The following KCND2 variants were observed in gnomAD, a reference collection of about 807,000 sequenced individuals.
KCND2 encodes A-type voltage-gated potassium channel KCND2.
In KCND2, 16 loss-of-function variants were observed where a neutral mutation model predicts 54.4. The observed-to-expected ratio is 0.29, with a 90% CI of 0.20 to 0.45. KCND2 has a LOEUF of 0.45. Ranked by LOEUF, KCND2 falls within the 20% of genes least tolerant of loss-of-function variation. The pLI is 1.00. For missense variants in KCND2, 486 were observed against 824.2 expected (o/e 0.59, Z 5.02); for synonymous variants, 317 against 310.7 (o/e 1.02, Z -0.21).
At chr7:120,489,670 A>G (rs1802748055) in intron 1 of KCND2, among the ~76,000 whole-genome samples, 1 of 152,138 alleles carries the variant, frequency 6.6e-6, no homozygotes, top group Non-Finnish European at 1.5e-5. Flanking sequence ...TCACTCACTC[A>G]CGTCCTATCA....
intron 1 of KCND2, among the ~76,000 whole-genome samples, chr7:120,311,595 AG>A (rs1799737225): frequency 6.6e-6 from 1 of 152,170 alleles, no homozygotes; most frequent in South Asian, 2.1e-4. Flanking sequence ...TTTTAAGTTC[AG>A]GGGTACGTGT....
At chr7:120,378,588 T>C (rs1248673008) in intron 1 of KCND2, among the ~76,000 whole-genome samples, 1 of 151,972 alleles carries the variant, frequency 6.6e-6, no homozygotes, top group Non-Finnish European at 1.5e-5. Flanking sequence ...GCATAAGATA[T>C]TTGAGATAAT....
At chr7:120,535,695 T>C (rs926286129) in intron 1 of KCND2, among the ~76,000 whole-genome samples, 1 of 152,172 alleles carries the variant, frequency 6.6e-6, no homozygotes, top group African/African-American at 2.4e-5. Context: ...CTAGTTCTTA[T>C]CATTTCAGAC....
chr7:120,371,844 C>T (rs1800769912), intron 1 of KCND2, among the ~76,000 whole-genome samples: 1 of 151,844 alleles, frequency 6.6e-6, no homozygotes, highest in South Asian at 2.1e-4. Flanking sequence ...GCTACAAACT[C>T]TATGTTTGTG....
chr7:120,571,346 C>A (rs1792363383), intron 1 of KCND2, among the ~76,000 whole-genome samples: 1 of 152,078 alleles, frequency 6.6e-6, no homozygotes, highest in Admixed American at 6.5e-5. Flanking sequence ...AAACCAAAAT[C>A]CAAAAATTGT....
intron 1 of KCND2, among the ~76,000 whole-genome samples, chr7:120,419,605 T>A (rs1049343006): frequency 5.9e-5 from 9 of 152,166 alleles, no homozygotes; most frequent in Admixed American, 2.6e-4. Flanking sequence ...ATGTTATATA[T>A]GTAAAGCACA....
In KCND2 at chr7:120,670,580, A is replaced by G. The variant is rs150493642; in HGVS notation, c.1116-62323A>G. Among the ~76,000 whole-genome samples the G allele has an allele frequency of 8.2e-3, 1,240 of 152,014 alleles. 22 individuals are homozygous for G. Among genetic ancestry groups the G allele is most frequent in the Non-Finnish European group, 0.015 (998 of 67,938 alleles). On this transcript the variant is annotated intron_variant, in intron 1 of 5. Transcript: ENST00000331113. Reference sequence around the variant, plus strand: ...GAAATCAGAAATTCACTGTAAAACCATGCCCCACCTCCCTCCAGCTTCCTA... The same window carrying G: ...GAAATCAGAAATTCACTGTAAAACCGTGCCCCACCTCCCTCCAGCTTCCTA...
intron 1 of KCND2, among the ~76,000 whole-genome samples, chr7:120,320,886 G>T (rs1000921190): frequency 6.6e-6 from 1 of 152,056 alleles, no homozygotes; most frequent in Non-Finnish European, 1.5e-5. Flanking sequence ...AGTTCACTGG[G>T]GGTATATTAA....
intron 1 of KCND2, among the ~76,000 whole-genome samples, chr7:120,363,379 A>G (rs1007328290): frequency 3.3e-5 from 5 of 152,108 alleles, no homozygotes; most frequent in African/African-American, 1.2e-4. Flanking sequence ...GATATTCCTC[A>G]TAAAATCTCC....
At chr7:120,736,937 T>C (rs999238568) in intron 2 of KCND2, among the ~76,000 whole-genome samples, 2 of 151,398 alleles carry the variant, frequency 1.3e-5, no homozygotes, top group Non-Finnish European at 2.9e-5. Context: ...AATTTCACAT[T>C]GACTTAGAAA....
intron 1 of KCND2, among the ~76,000 whole-genome samples, chr7:120,712,241 ATTTTTTTTTTTTTTTTT>A (rs869059871): frequency 1.2e-3 from 42 of 34,784 alleles, no homozygotes; most frequent in East Asian, 5.3e-3. Context: ...GGATATCTGA[ATTTTTTTTTTTTTTTTT>A]TTTTTTTTTT....
intron 1 of KCND2, among the ~76,000 whole-genome samples, chr7:120,481,718 G>A (rs186985824): frequency 3.0e-3 from 461 of 152,226 alleles, no homozygotes; most frequent in African/African-American, 0.011. Context: ...CATCTTTGAC[G>A]CAGAGGGACC....
At chr7:120,453,563 A>G (rs1802148569) in intron 1 of KCND2, among the ~76,000 whole-genome samples, 1 of 152,202 alleles carries the variant, frequency 6.6e-6, no homozygotes, top group Middle Eastern at 3.2e-3. Flanking sequence ...ATTCATACCA[A>G]ACACATGCTC....
At chr7:120,379,540 T>G (rs1800885467) in intron 1 of KCND2, among the ~76,000 whole-genome samples, 1 of 152,072 alleles carries the variant, frequency 6.6e-6, no homozygotes. Flanking sequence ...AAATTTGCCT[T>G]TCTTTAAGTC....
chr7:120,490,275 C>T (rs117092174), intron 1 of KCND2, among the ~76,000 whole-genome samples: 1 of 152,236 alleles, frequency 6.6e-6, no homozygotes, highest in Non-Finnish European at 1.5e-5. Flanking sequence ...AAACCCATTG[C>T]TAATCACTAT....
At chr7:120,348,484 A>G (rs1800356776) in intron 1 of KCND2, among the ~76,000 whole-genome samples, 1 of 152,208 alleles carries the variant, frequency 6.6e-6, no homozygotes, top group South Asian at 2.1e-4. Context: ...CAAAGATGCT[A>G]TATATCTTGA....
chr7:120,507,446 C>G (rs893864616), intron 1 of KCND2, among the ~76,000 whole-genome samples: 1 of 151,862 alleles, frequency 6.6e-6, no homozygotes, highest in Non-Finnish European at 1.5e-5. Context: ...TTCAGCCTTC[C>G]TTGCAGTTAG....
intron 1 of KCND2, among the ~76,000 whole-genome samples, chr7:120,299,649 G>T (rs912765383): frequency 6.6e-6 from 1 of 152,066 alleles, no homozygotes. Context: ...CAAGTTCTCT[G>T]CCAAATGAAA....
Position 120,384,992 on chromosome 7 carries a change from A to G in KCND2, c.1115+109245A>G, listed in dbSNP as rs531649794. Among the ~76,000 whole-genome samples the G allele has an allele frequency of 1.8e-3, 222 of 125,562 alleles. 1 individual carries two copies. Among genetic ancestry groups the G allele is most frequent in the African/African-American group, 5.9e-3 (208 of 35,034 alleles). The allele number at this position is 125,562 out of a possible 152,430, so 82.4% of individuals were successfully genotyped here. ...TCTTTGTGTAAACAAAGGCATTTGT[A>G]TATAACTTTTTTTTTTTTTTTTTTT... On this transcript the variant is annotated intron_variant, in intron 1 of 5. Transcript: ENST00000331113.
Sources: allele counts gnomAD v4.1 joint callset (sites outside exome capture counted in the v4.1 genomes callset), GRCh38; gene constraint gnomAD v4.1.1; transcripts MANE v1.5; gene names NCBI Gene and HGNC (gene_info 2026-07-23, HGNC 2026-07-21).